MARCHF11: variants seen among roughly 807,000 people sequenced by gnomAD.
MARCHF11 encodes membrane associated ring-CH-type finger 11.
MARCHF11 carries 29 observed loss-of-function variants against 37.3 expected under a neutral mutation model. The ratio of observed to expected loss-of-function variants is 0.78; its 90% CI spans 0.58 to 1.06. MARCHF11 has a LOEUF of 1.06. Among genes scored for constraint, MARCHF11 ranks in the 50% least tolerant of loss-of-function variants. The pLI, the probability that MARCHF11 is intolerant of heterozygous loss-of-function variation, is 0.00. For synonymous variants in MARCHF11, 233 were observed against 228.0 expected (o/e 1.02, Z -0.20); for missense variants, 482 against 533.4 (o/e 0.90, Z 0.95).
intron 2 of MARCHF11, among the ~76,000 whole-genome samples, chr5:16,114,491 G>A (rs1560978799): frequency 1.3e-5 from 2 of 152,088 alleles, no homozygotes; most frequent in African/African-American, 2.4e-5. Flanking sequence ...TGTCCTAAAT[G>A]TTTTTATCTT....
At chr5:16,091,134 A>AAG in intron 2 of MARCHF11, 53 bp from the exon 3 acceptor site, 3 of 1,210,016 alleles carry the variant, frequency 2.5e-6, no homozygotes, top group Non-Finnish European at 3.1e-6. Context: ...ATTAAAAAAG[A>AAG]AAAAAAAACA....
At chr5:16,085,881 A>G (rs1579678646) in intron 3 of MARCHF11, among the ~76,000 whole-genome samples, 1 of 128,078 alleles carries the variant, frequency 7.8e-6, no homozygotes, top group East Asian at 2.7e-4. Context: ...TGGAGCTTGC[A>G]GTGAGCCGAG....
At chr5:16,177,984 G>C (rs746632199) in intron 1 of MARCHF11, 103 bp from the exon 2 acceptor site, 4 of 1,117,366 alleles carry the variant, frequency 3.6e-6, no homozygotes, top group Non-Finnish European at 5.0e-6. Context: ...TCAGGATACA[G>C]CATCAGGCTC....
At chr5:16,156,106 A>C (rs1737974353) in intron 2 of MARCHF11, among the ~76,000 whole-genome samples, 1 of 151,932 alleles carries the variant, frequency 6.6e-6, no homozygotes. Flanking sequence ...AATATCTATA[A>C]GTCTGTAAAG....
At chr5:16,100,955 T>C (rs965613546) in intron 2 of MARCHF11, among the ~76,000 whole-genome samples, 1 of 152,224 alleles carries the variant, frequency 6.6e-6, no homozygotes, top group Admixed American at 6.5e-5. Context: ...GAAAGATCCC[T>C]GAATAACTGA....
At chr5:16,164,940 T>C (rs1738144528) in intron 2 of MARCHF11, among the ~76,000 whole-genome samples, 1 of 152,054 alleles carries the variant, frequency 6.6e-6, no homozygotes. Flanking sequence ...TATTACTATG[T>C]TATTTCTCTA....
chr5:16,098,104 A>G (rs1204595568), intron 2 of MARCHF11, among the ~76,000 whole-genome samples: 1 of 152,204 alleles, frequency 6.6e-6, no homozygotes, highest in Non-Finnish European at 1.5e-5. Context: ...ATGTGGTAAA[A>G]TCATTTGGTA....
At chr5:16,078,409 C>T (rs1051175660) in intron 3 of MARCHF11, among the ~76,000 whole-genome samples, 11 of 151,892 alleles carry the variant, frequency 7.2e-5, no homozygotes, top group African/African-American at 2.7e-4. Flanking sequence ...TTTTAAAAAC[C>T]CTATGTCAAA....
chr5:16,069,195 T>G (rs1350519885), intron 3 of MARCHF11, among the ~76,000 whole-genome samples: 1 of 152,098 alleles, frequency 6.6e-6, no homozygotes, highest in Non-Finnish European at 1.5e-5. Context: ...TCTGAAACCA[T>G]AATGACAATC....
intron 2 of MARCHF11, among the ~76,000 whole-genome samples, chr5:16,168,273 T>C (rs540774158): frequency 1.3e-5 from 2 of 152,220 alleles, no homozygotes; most frequent in South Asian, 4.1e-4. Context: ...GGGAGATTCA[T>C]CACCCATCCT....
At chr5:16,126,502 C>A (rs1030906454) in intron 2 of MARCHF11, among the ~76,000 whole-genome samples, 1 of 152,116 alleles carries the variant, frequency 6.6e-6, no homozygotes, top group Non-Finnish European at 1.5e-5. Flanking sequence ...TGCAAAGCCC[C>A]GATTTAATAC....
chr5:16,142,411 CCTT>C (rs751369348), intron 2 of MARCHF11, among the ~76,000 whole-genome samples: 5 of 152,154 alleles, frequency 3.3e-5, no homozygotes, highest in Non-Finnish European at 5.9e-5. Context: ...TTTCAAAAAT[CCTT>C]CTTCTGAGCC....
At chr5:16,087,142 C>T (rs1310867147) in intron 3 of MARCHF11, among the ~76,000 whole-genome samples, 1 of 152,204 alleles carries the variant, frequency 6.6e-6, no homozygotes, top group East Asian at 1.9e-4. Flanking sequence ...CAGATATAAT[C>T]TCTTTACATT....
chr5:16,108,138 ACACTGT>A (rs1737075753), intron 2 of MARCHF11, among the ~76,000 whole-genome samples: 1 of 152,226 alleles, frequency 6.6e-6, no homozygotes, highest in Admixed American at 6.5e-5. Context: ...CTGAAAGAGC[ACACTGT>A]AACATGCTTC....
At chr5:16,165,487 T>G (rs1738153369) in intron 2 of MARCHF11, among the ~76,000 whole-genome samples, 1 of 152,104 alleles carries the variant, frequency 6.6e-6, no homozygotes, top group Non-Finnish European at 1.5e-5. Context: ...ACGACCACAT[T>G]ACATTTAGTC....
intron 3 of MARCHF11, among the ~76,000 whole-genome samples, chr5:16,080,614 GGCCCATCTCCCAGTCA>G (rs1303132570): frequency 1.3e-5 from 2 of 152,096 alleles, no homozygotes; most frequent in Non-Finnish European, 2.9e-5. Flanking sequence ...AGCAACTGAT[GGCCCATCTCCCAGTCA>G]GCCTCTGTGA....
intron 2 of MARCHF11, among the ~76,000 whole-genome samples, chr5:16,129,989 C>G (rs1737488292): frequency 6.6e-6 from 1 of 152,120 alleles, no homozygotes. Flanking sequence ...AAGTTACCAT[C>G]TCTTCCATTT....
At chr5:16,162,071 T>G (rs1440472958) in intron 2 of MARCHF11, among the ~76,000 whole-genome samples, 1 of 151,778 alleles carries the variant, frequency 6.6e-6, no homozygotes, top group African/African-American at 2.4e-5. Flanking sequence ...TATAGAGAGG[T>G]TTTTGAAATC....
In MARCHF11 at chr5:16,149,184, T is replaced by C. The variant is rs568911063; in HGVS notation, c.693+28542A>G. ...TACCCAGTGTGGCACTACTCCCCAC[T>C]GTAGCCCTAACTTCAACTTCCAAGG... On this transcript the variant is annotated intron_variant, in intron 2 of 3. Coordinates refer to ENST00000332432, the MANE Select transcript of MARCHF11 (RefSeq NM_001102562.3). Among the ~76,000 whole-genome samples the C allele has an allele frequency of 5.3e-5, 8 of 152,250 alleles. No individual in the cohort carries two copies. The South Asian group carries it at 1.2e-3, about 24-fold the overall frequency.
Sources: allele counts gnomAD v4.1 joint callset (sites outside exome capture counted in the v4.1 genomes callset), GRCh38; gene constraint gnomAD v4.1.1; transcripts MANE v1.5; gene names NCBI Gene and HGNC (gene_info 2026-07-23, HGNC 2026-07-21).